PIKFYVE: variants seen among roughly 807,000 people sequenced by gnomAD.
PIKFYVE encodes 1-phosphatidylinositol 3-phosphate 5-kinase.
A neutral mutation model predicts 257.9 loss-of-function variants in PIKFYVE; 122 were observed. The observed-to-expected ratio is 0.47, with a 90% confidence interval of 0.41 to 0.55. PIKFYVE has a LOEUF of 0.55. PIKFYVE is among the 20% of genes least tolerant of loss of function. The pLI, the probability that PIKFYVE is intolerant of heterozygous loss-of-function variation, is 0.00. For missense variants in PIKFYVE, 2,160 were observed against 2,536.6 expected (o/e 0.85, Z 3.19); for synonymous variants, 892 against 868.9 (o/e 1.03, Z -0.47).
chr2:208,279,644 A>T (rs1016564916), intron 5 of PIKFYVE, among the ~76,000 whole-genome samples: 2 of 152,136 alleles, frequency 1.3e-5, no homozygotes, highest in Non-Finnish European at 2.9e-5. Context: ...AGTGCCATTT[A>T]TTGAATAGAG....
chr2:208,273,482 A>G (rs892439914), intron 2 of PIKFYVE, 102 bp from the exon 3 acceptor site: 77 of 1,401,272 alleles, frequency 5.5e-5, no homozygotes, highest in African/African-American at 1.4e-4. Context: ...TTAGTTACGC[A>G]TATAATACAT....
intron 29 of PIKFYVE, 37 bp from the exon 30 acceptor site, chr2:208,339,381 A>G (rs748896337): frequency 3.1e-6 from 5 of 1,607,950 alleles, no homozygotes; most frequent in Non-Finnish European, 4.3e-6. Flanking sequence ...GACTTAATGT[A>G]TGTAAATGAC....
chr2:208,346,669 C>T (rs1188480902), intron 34 of PIKFYVE, among the ~76,000 whole-genome samples: 1 of 152,158 alleles, frequency 6.6e-6, no homozygotes, highest in Admixed American at 6.5e-5. Context: ...CTGACTTTGT[C>T]AGGAACACAT....
chr2:208,345,277 A>G, intron 33 of PIKFYVE, 83 bp downstream of exon 33: 1 of 1,128,054 alleles, frequency 8.9e-7, no homozygotes, highest in Non-Finnish European at 1.3e-6. Flanking sequence ...TTATTACAGC[A>G]TTTATCATCA....
intron 1 of PIKFYVE, among the ~76,000 whole-genome samples, chr2:208,268,332 G>C (rs1401069079): frequency 1.3e-5 from 2 of 151,470 alleles, no homozygotes; most frequent in South Asian, 2.1e-4. Context: ...TGTCATCTCT[G>C]CCTCTGACAT....
At position 208,345,106 on chromosome 2, in the gene PIKFYVE, C is replaced by G. The variant is rs915323844; in HGVS notation, c.5028-5C>G. ...TAACGTTTTTCAACCTATTTCTGCC[C>G]TAAGTTGTAAAGAATACCGAAATGC... On this transcript the variant is annotated splice_polypyrimidine_tract_variant and splice_region_variant and intron_variant, in intron 32 of 41. Transcript: ENST00000264380. 1.9e-6 allele frequency: 3 copies of G among 1,593,812 alleles called. No individual in the cohort carries two copies. The highest frequency in any genetic ancestry group is 1.7e-6 in the Non-Finnish European group (2 of 1,161,682).
At chr2:208,284,911 C>T (rs983879298) in intron 5 of PIKFYVE, among the ~76,000 whole-genome samples, 6 of 151,654 alleles carry the variant, frequency 4.0e-5, no homozygotes, top group African/African-American at 1.5e-4. Context: ...TCAAACAGTC[C>T]TCCCGCCCTC....
Position 208,273,903 on chromosome 2 carries a change from A to G in PIKFYVE, c.322+170A>G, listed in dbSNP as rs1013302416. 8 of 1,367,562 alleles carry G rather than the reference A, an allele frequency of 5.8e-6. No homozygotes were observed. The Middle Eastern group carries it at 5.9e-4, about 100-fold the overall frequency. 84.7% of individuals were successfully genotyped at this position (1,367,562 alleles called of 1,614,324 possible). Reference sequence around the variant, plus strand: ...GAGTAAATAAAACTCTTACCTCGGTAGTGAAAGAATTTATTGACACCTGAA... The same window carrying G: ...GAGTAAATAAAACTCTTACCTCGGTGGTGAAAGAATTTATTGACACCTGAA... On this transcript the variant is annotated intron_variant, in intron 3 of 41. Transcript: ENST00000264380.
intron 7 of PIKFYVE, among the ~76,000 whole-genome samples, chr2:208,295,935 C>T (rs12623816): frequency 0.93 from 141,797 of 152,280 alleles, 66,532 homozygotes; most frequent in Non-Finnish European, 0.98. Flanking sequence ...TGCTTTTACA[C>T]TTATTAGTTG....
At chr2:208,315,153 T>C (rs1358761928) in intron 14 of PIKFYVE, 40 bp from the exon 15 acceptor site, 1 of 1,533,800 alleles carries the variant, frequency 6.5e-7, no homozygotes, top group East Asian at 2.3e-5. Flanking sequence ...TCTCTGGCAG[T>C]ATTAACTATG....
intron 1 of PIKFYVE, chr2:208,269,953 G>A: frequency 4.3e-6 from 1 of 234,772 alleles, no homozygotes; most frequent in Non-Finnish European, 9.3e-6. Context: ...ATCCTTGGGA[G>A]GCATGATGTC....
rs752130603 is a variant in PIKFYVE, at chr2:208,336,874, G to A, written c.4557G>A (p.Lys1519=). 9 of 1,613,130 alleles carry A rather than the reference G, an allele frequency of 5.6e-6. No individual in the cohort carries two copies. Among genetic ancestry groups the A allele is most frequent in the Non-Finnish European group, 6.8e-6 (8 of 1,179,452 alleles). ...TTTTCCAACAGGAAAAGGGTAGAAA[G>A]AGACCTTCAGTTCCTCCAAGTCCTG... is the stretch of plus-strand genomic sequence containing the variant. The part of the protein sequence containing the change: ...QDLFQQEKGR[K]RPSVPPSPGR... The change falls in exon 28 of 42, where the codon AAG becomes AAA. Residue 1519 remains lysine (K), a synonymous_variant. Transcript: ENST00000264380.
intron 7 of PIKFYVE, among the ~76,000 whole-genome samples, chr2:208,292,459 A>G (rs1692438791): frequency 6.6e-6 from 1 of 152,050 alleles, no homozygotes; most frequent in Non-Finnish European, 1.5e-5. Context: ...TTTGCCTCAT[A>G]TATTTTGGTA....
At position 208,346,045 on chromosome 2, in the gene PIKFYVE, TTTAG is replaced by T. The variant is rs1378001962; in HGVS notation, c.5112-3_5112del. 1 of 1,607,942 alleles carries T rather than the reference TTTAG, an allele frequency of 6.2e-7. No homozygotes were observed. On this transcript the variant is annotated splice_acceptor_variant and splice_polypyrimidine_tract_variant and intron_variant, in intron 33 of 41. Coordinates refer to ENST00000264380, the MANE Select transcript of PIKFYVE (RefSeq NM_015040.4). LOFTEE classifies it high-confidence loss of function. Reference sequence around the variant, plus strand: ...AATTTTTCTTTTTTTTTCTTTTCATTTTAGTACTTCAGATAGCAGACCAAAGAGT... The same window carrying T: ...AATTTTTCTTTTTTTTTCTTTTCATTTACTTCAGATAGCAGACCAAAGAGT...
intron 5 of PIKFYVE, among the ~76,000 whole-genome samples, chr2:208,280,034 C>G (rs988045520): frequency 6.6e-6 from 1 of 152,156 alleles, no homozygotes; most frequent in Non-Finnish European, 1.5e-5. Flanking sequence ...ACCTCTAATT[C>G]ATATTTCATA....
chr2:208,331,928 C>T (rs1013531017), intron 23 of PIKFYVE, among the ~76,000 whole-genome samples: 4 of 152,168 alleles, frequency 2.6e-5, no homozygotes, highest in Admixed American at 1.3e-4. Context: ...GGTAGACTGA[C>T]CATGGTACTA....
rs146503664 is a variant in PIKFYVE, at chr2:208,294,212, G to A, written c.912-4429G>A. 2.7e-3 allele frequency among the ~76,000 whole-genome samples: 418 copies of A among 152,098 alleles called. 4 individuals carry two copies. The highest frequency in any genetic ancestry group is 9.5e-3 in the African/African-American group (393 of 41,486). On this transcript the variant is annotated intron_variant, in intron 7 of 41. Coordinates refer to ENST00000264380, the MANE Select transcript of PIKFYVE (RefSeq NM_015040.4). Reference sequence around the variant, plus strand: ...TCTAGTCTACTAAGAGTCCATCAAAGGCACTCTTCTTTAATGTTATGGTGT... The same window carrying A: ...TCTAGTCTACTAAGAGTCCATCAAAAGCACTCTTCTTTAATGTTATGGTGT...
intron 15 of PIKFYVE, among the ~76,000 whole-genome samples, 154 bp downstream of exon 15, chr2:208,315,527 T>G (rs1695404962): frequency 6.6e-6 from 1 of 151,994 alleles, no homozygotes; most frequent in African/African-American, 2.4e-5. Flanking sequence ...AGCAGCGCAC[T>G]TAGGAGTCAT....
chr2:208,307,489 C>G (rs1325282421), intron 12 of PIKFYVE, among the ~76,000 whole-genome samples: 1 of 151,924 alleles, frequency 6.6e-6, no homozygotes, highest in East Asian at 1.9e-4. Flanking sequence ...GACTTTGGAT[C>G]TGGGATCATG....
Sources: gnomAD v4.1 joint callset for allele counts (sites outside exome capture counted in the v4.1 genomes callset) on GRCh38, gnomAD v4.1.1 for gene constraint, MANE v1.5 for transcripts, NCBI Gene and HGNC (gene_info 2026-07-23, HGNC 2026-07-21) for gene names.